The following FABP12 variants were observed in gnomAD, a reference collection of about 807,000 sequenced individuals.
FABP12 encodes the protein fatty acid-binding protein 12.
Under a neutral mutation model 13.7 loss-of-function variants are expected in FABP12, and 19 were observed. That is an observed-to-expected ratio of 1.39 (90% CI 0.97 to 2.04). The LOEUF (loss-of-function observed/expected upper bound fraction) is 2.04. FABP12 is among the 30% of genes most tolerant of loss of function. The pLI, the probability that FABP12 is intolerant of heterozygous loss-of-function variation, is 0.00. For synonymous variants in FABP12, 61 were observed against 57.0 expected (o/e 1.07, Z -0.32); for missense variants, 182 against 164.2 (o/e 1.11, Z -0.59).
intron 1 of FABP12, among the ~76,000 whole-genome samples, chr8:81,550,783 T>C (rs888853359): frequency 2.0e-5 from 3 of 152,184 alleles, no homozygotes. Flanking sequence ...TTATTTCTAC[T>C]CACAGAAAAT....
intron 1 of FABP12, among the ~76,000 whole-genome samples, chr8:81,571,525 T>G (rs986006149): frequency 2.6e-5 from 4 of 152,246 alleles, no homozygotes; most frequent in African/African-American, 9.6e-5. Context: ...GGCCTGCTGC[T>G]GCTATTATTA....
At chr8:81,559,418 T>A in intron 1 of FABP12, among the ~76,000 whole-genome samples, 1 of 152,212 alleles carries the variant, frequency 6.6e-6, no homozygotes, top group East Asian at 1.9e-4. Context: ...TATGGGATTG[T>A]CCAAGGCTAG....
At chr8:81,526,891 A>T (rs1485618358) in intron 4 of FABP12, 129 bp downstream of exon 4, 7 of 595,914 alleles carry the variant, frequency 1.2e-5, no homozygotes, top group African/African-American at 1.9e-5. Flanking sequence ...TTATCTCATA[A>T]TTTTTTTCTC....
At chr8:81,547,870 T>C (rs1306132589) in intron 1 of FABP12, among the ~76,000 whole-genome samples, 1 of 152,218 alleles carries the variant, frequency 6.6e-6, no homozygotes, top group South Asian at 2.1e-4. Context: ...ATTATTGATA[T>C]AGGTATTGTT....
At chr8:81,570,308 T>G (rs1435320922) in intron 1 of FABP12, among the ~76,000 whole-genome samples, 1 of 152,238 alleles carries the variant, frequency 6.6e-6, no homozygotes, top group Non-Finnish European at 1.5e-5. Context: ...AGGCGCATGT[T>G]TCAGCCCCGT....
At chr8:81,556,831 C>T (rs1019098898) in intron 1 of FABP12, among the ~76,000 whole-genome samples, 1 of 144,358 alleles carries the variant, frequency 6.9e-6, no homozygotes. Flanking sequence ...CTTACTCACT[C>T]AAAAAATATT....
chr8:81,587,803 T>C (rs148712505), intron 1 of FABP12, among the ~76,000 whole-genome samples: 379 of 152,110 alleles, frequency 2.5e-3, no homozygotes, highest in African/African-American at 8.2e-3. Context: ...GGGAGTTTAT[T>C]AAGGTGTGTT....
chr8:81,569,540 G>A (rs1304026041), intron 1 of FABP12, among the ~76,000 whole-genome samples: 1 of 152,150 alleles, frequency 6.6e-6, no homozygotes. Flanking sequence ...AGCACAAAAA[G>A]AGAGCAAAGC....
At chr8:81,555,010 A>G (rs1216005208) in intron 1 of FABP12, among the ~76,000 whole-genome samples, 1 of 152,132 alleles carries the variant, frequency 6.6e-6, no homozygotes, top group African/African-American at 2.4e-5. Flanking sequence ...CAGGGCACAC[A>G]CTTTCATGTT....
chr8:81,578,487 C>CTT (rs201920868), intron 1 of FABP12, among the ~76,000 whole-genome samples: 10 of 136,630 alleles, frequency 7.3e-5, no homozygotes, highest in African/African-American at 1.6e-4. Flanking sequence ...ATTTTCTTTT[C>CTT]TTTTTTTTTT....
At chr8:81,543,351 A>G (rs529860899) in intron 1 of FABP12, among the ~76,000 whole-genome samples, 54 of 152,348 alleles carry the variant, frequency 3.5e-4, no homozygotes, top group Non-Finnish European at 6.9e-4. Context: ...AGTAGCTTTC[A>G]TGAGAGACTA....
intron 1 of FABP12, among the ~76,000 whole-genome samples, chr8:81,587,708 G>C (rs1306106524): frequency 1.3e-5 from 2 of 152,038 alleles, no homozygotes; most frequent in Non-Finnish European, 2.9e-5. Context: ...CTTTGCTGAA[G>C]TTGTTTATCA....
chr8:81,547,302 C>A (rs1053439515), intron 1 of FABP12, among the ~76,000 whole-genome samples: 1 of 152,276 alleles, frequency 6.6e-6, no homozygotes, highest in South Asian at 2.1e-4. Context: ...ATGGACAATT[C>A]AAAAGTGTGC....
Position 81,571,382 on chromosome 8 carries a change from C to T in FABP12, c.-185+18671G>A, listed in dbSNP as rs544258742. On this transcript the variant is annotated intron_variant, in intron 1 of 5. Transcript: ENST00000692030. ...TGTGGAGTGGACCCTGGGGTGGGTC[C>T]GCCTGGCCGTAGGAGGATGGGGGCG... 5.9e-5 allele frequency among the ~76,000 whole-genome samples: 9 copies of T among 152,260 alleles called. No individual in the cohort carries two copies. In the South Asian group the frequency reaches 1.0e-3, roughly 18 times the overall value.
intron 1 of FABP12, among the ~76,000 whole-genome samples, chr8:81,562,522 C>T (rs1809742110): frequency 6.6e-6 from 1 of 152,174 alleles, no homozygotes; most frequent in Admixed American, 6.5e-5. Flanking sequence ...TGGACCTGCC[C>T]TGGACCAGTC....
Position 81,585,360 on chromosome 8 carries a change from T to C in FABP12, c.-185+4693A>G, listed in dbSNP as rs565607185. ...AGACTGTCCTTTCCCTATTGTATGTTCTTAGCACCTTCATTGAAAATGAGT... is the reference window on the plus strand; with the variant it reads ...AGACTGTCCTTTCCCTATTGTATGTCCTTAGCACCTTCATTGAAAATGAGT... On this transcript the variant is annotated intron_variant, in intron 1 of 5. Transcript: ENST00000692030. 3.3e-5 allele frequency among the ~76,000 whole-genome samples: 5 copies of C among 152,348 alleles called. No homozygotes were observed. The East Asian group carries it at 7.7e-4, about 23-fold the overall frequency.
intron 1 of FABP12, among the ~76,000 whole-genome samples, chr8:81,560,991 A>G (rs1181526358): frequency 6.6e-6 from 1 of 152,114 alleles, no homozygotes; most frequent in Middle Eastern, 3.2e-3. Flanking sequence ...TGACCCGGCC[A>G]CCCTTCTCTG....
At chr8:81,579,019 G>A (rs980985570) in intron 1 of FABP12, among the ~76,000 whole-genome samples, 8 of 150,524 alleles carry the variant, frequency 5.3e-5, no homozygotes, top group South Asian at 2.1e-4. Flanking sequence ...TAGTAGAGAC[G>A]GGGTTTCACT....
chr8:81,574,620 T>C (rs1364906574), intron 1 of FABP12, among the ~76,000 whole-genome samples: 1 of 152,184 alleles, frequency 6.6e-6, no homozygotes, highest in Non-Finnish European at 1.5e-5. Flanking sequence ...ACCATTTCAA[T>C]CTCACTGCTC....
Sources: gnomAD v4.1 joint callset for allele counts (sites outside exome capture counted in the v4.1 genomes callset) on GRCh38, gnomAD v4.1.1 for gene constraint, MANE v1.5 for transcripts, NCBI Gene and HGNC (gene_info 2026-07-23, HGNC 2026-07-21) for gene names.